The following KCNIP1 variants were observed in gnomAD, a reference collection of about 807,000 sequenced individuals.
The protein encoded by KCNIP1 is A-type potassium channel modulatory protein KCNIP1.
Under a neutral mutation model 33.0 loss-of-function variants are expected in KCNIP1, and 18 were observed. The ratio of observed to expected loss-of-function variants is 0.55; its 90% CI spans 0.38 to 0.81. KCNIP1 has a LOEUF of 0.81. Among genes scored for constraint, KCNIP1 ranks in the 30% least tolerant of loss-of-function variants. The probability of loss-of-function intolerance (pLI) is 0.00; values close to 1 mark genes in which losing one functional copy is unlikely to be tolerated. For synonymous variants in KCNIP1, 93 were observed against 98.3 expected (o/e 0.95, Z 0.32); for missense variants, 238 against 271.6 (o/e 0.88, Z 0.87).
Position 170,457,736 on chromosome 5 carries a change from A to T in KCNIP1, c.88+103772A>T, listed in dbSNP as rs190227189. Among the ~76,000 whole-genome samples, 11 of 152,254 alleles carry T rather than the reference A, an allele frequency of 7.2e-5. No homozygotes were observed. The East Asian group carries it at 1.9e-3, about 27-fold the overall frequency. ...CCTTCCATCTGACAGACACTACACA[A>T]ATGAGGAGGAACCAGAAACCCAACT... is the stretch of plus-strand genomic sequence containing the variant. On this transcript the variant is annotated intron_variant, in intron 1 of 7. Coordinates refer to the KCNIP1 transcript ENST00000377360.
At chr5:170,564,024 C>A (rs1421708489) in intron 1 of KCNIP1, among the ~76,000 whole-genome samples, 1 of 152,234 alleles carries the variant, frequency 6.6e-6, no homozygotes, top group Non-Finnish European at 1.5e-5. Context: ...CACACAGAGT[C>A]CCCAACCACC....
At chr5:170,643,232 G>T (rs73319309) in intron 1 of KCNIP1, among the ~76,000 whole-genome samples, 2,132 of 152,350 alleles carry the variant, frequency 0.014, 49 homozygotes, top group East Asian at 0.073. Context: ...AAAAAGGCCA[G>T]GAAATGGGTT....
At chr5:170,602,590 C>T (rs1287298233) in intron 1 of KCNIP1, among the ~76,000 whole-genome samples, 1 of 152,220 alleles carries the variant, frequency 6.6e-6, no homozygotes, top group East Asian at 1.9e-4. Context: ...GTTCTCGTTT[C>T]CCTTTGGTGG....
intron 5 of KCNIP1, among the ~76,000 whole-genome samples, chr5:170,728,986 A>G (rs1436162602): frequency 2.0e-5 from 3 of 152,070 alleles, no homozygotes; most frequent in African/African-American, 4.8e-5. Context: ...CCCAGGTACA[A>G]ATACCATCTT....
intron 1 of KCNIP1, among the ~76,000 whole-genome samples, chr5:170,516,845 G>A (rs1443380839): frequency 6.6e-6 from 1 of 152,210 alleles, no homozygotes. Flanking sequence ...ATGAGGATTA[G>A]TGAGATAATA....
At chr5:170,629,133 C>A (rs1759952173) in intron 1 of KCNIP1, among the ~76,000 whole-genome samples, 2 of 152,304 alleles carry the variant, frequency 1.3e-5, no homozygotes, top group South Asian at 4.1e-4. Context: ...CTGACATACG[C>A]ATCGATCTCA....
intron 1 of KCNIP1, among the ~76,000 whole-genome samples, chr5:170,713,507 G>A (rs1763531017): frequency 6.6e-6 from 1 of 152,176 alleles, no homozygotes; most frequent in Admixed American, 6.5e-5. Context: ...GGGACAGCCG[G>A]TGTTCAGCTC....
At chr5:170,596,760 TG>T (rs1259924114) in intron 1 of KCNIP1, among the ~76,000 whole-genome samples, 137 of 152,356 alleles carry the variant, frequency 9.0e-4, no homozygotes, top group African/African-American at 3.1e-3. Context: ...GCTGGAGCTA[TG>T]ATCAGGGCTA....
intron 1 of KCNIP1, among the ~76,000 whole-genome samples, chr5:170,558,935 G>T (rs1756936327): frequency 6.6e-6 from 1 of 152,092 alleles, no homozygotes; most frequent in African/African-American, 2.4e-5. Context: ...TCACCTCCCA[G>T]GGCCTCAGTT....
At chr5:170,625,523 T>G (rs1344532109) in intron 1 of KCNIP1, among the ~76,000 whole-genome samples, 1 of 152,144 alleles carries the variant, frequency 6.6e-6, no homozygotes, top group African/African-American at 2.4e-5. Context: ...GGAGAAAAAT[T>G]CACAGTGCTA....
intron 1 of KCNIP1, among the ~76,000 whole-genome samples, chr5:170,601,137 G>C (rs1295554012): frequency 1.3e-5 from 2 of 152,226 alleles, no homozygotes; most frequent in Non-Finnish European, 2.9e-5. Context: ...TGTGTACAGA[G>C]CAGCGTTGTT....
intron 1 of KCNIP1, among the ~76,000 whole-genome samples, chr5:170,480,218 T>C (rs1261140729): frequency 2.0e-5 from 3 of 152,252 alleles, no homozygotes; most frequent in African/African-American, 7.2e-5. Flanking sequence ...TGCGATCGTT[T>C]CCTAGGATTA....
At chr5:170,409,152 A>G (rs2656845) in intron 1 of KCNIP1, among the ~76,000 whole-genome samples, 50,578 of 152,078 alleles carry the variant, frequency 0.33, 10,305 homozygotes, top group African/African-American at 0.58. Context: ...AGGCAGATCC[A>G]GGATGTGAAC....
intron 1 of KCNIP1, among the ~76,000 whole-genome samples, chr5:170,447,533 G>A (rs1756150213): frequency 6.6e-6 from 1 of 152,088 alleles, no homozygotes; most frequent in South Asian, 2.1e-4. Flanking sequence ...TTTGTGAAGG[G>A]GGTGGCACAA....
intron 1 of KCNIP1, among the ~76,000 whole-genome samples, chr5:170,362,513 G>A (rs377485334): frequency 5.3e-5 from 8 of 152,220 alleles, no homozygotes; most frequent in Non-Finnish European, 8.8e-5. Flanking sequence ...CCCCTAAACC[G>A]TTACCCATAG....
At position 170,379,070 on chromosome 5, in the gene KCNIP1, G is replaced by A. The variant is rs1443294496; in HGVS notation, c.88+25106G>A. 90 of 1,443,654 alleles carry A rather than the reference G, an allele frequency of 6.2e-5. No homozygotes were observed. The East Asian group carries it at 1.5e-3, about 24-fold the overall frequency. 89.4% of individuals were successfully genotyped at this position (1,443,654 alleles called of 1,614,324 possible). A position where few individuals can be genotyped will look rare whatever the true frequency, so the allele number is the denominator to read the frequency against. On this transcript the variant is annotated intron_variant, in intron 1 of 7. Transcript: ENST00000377360. ...AAAGAAAAATACCAGCTTTGTAGTC[G>A]GGCCCCTGGATTGGAGTCGGGGCTT...
At chr5:170,440,721 C>T (rs1755969403) in intron 1 of KCNIP1, among the ~76,000 whole-genome samples, 1 of 152,210 alleles carries the variant, frequency 6.6e-6, no homozygotes, top group Non-Finnish European at 1.5e-5. Context: ...ATGGTGGAAA[C>T]TTGGGCCTCA....
intron 1 of KCNIP1, among the ~76,000 whole-genome samples, chr5:170,362,971 G>A (rs1763555067): frequency 6.6e-6 from 1 of 152,204 alleles, no homozygotes. Context: ...TCCCTGTGCT[G>A]ATTAACTCTG....
At chr5:170,616,922 G>C (rs1013160805) in intron 1 of KCNIP1, among the ~76,000 whole-genome samples, 1 of 151,898 alleles carries the variant, frequency 6.6e-6, no homozygotes, top group Non-Finnish European at 1.5e-5. Context: ...AGCTGGGCTA[G>C]GGTCCCCTCT....
Sources: allele counts gnomAD v4.1 joint callset (sites outside exome capture counted in the v4.1 genomes callset), GRCh38; gene constraint gnomAD v4.1.1; transcripts MANE v1.5; gene names NCBI Gene and HGNC (gene_info 2026-07-23, HGNC 2026-07-21).